The following ZDHHC2 variants were observed in gnomAD, a reference collection of about 807,000 sequenced individuals.
The protein encoded by ZDHHC2 is zDHHC palmitoyltransferase 2, also known as palmitoyltransferase ZDHHC2.
In ZDHHC2, 51 loss-of-function variants were observed where a neutral mutation model predicts 55.6. The observed-to-expected ratio is 0.92, with a 90% CI of 0.73 to 1.16. The LOEUF (loss-of-function observed/expected upper bound fraction) is 1.16. Ranked by LOEUF, ZDHHC2 falls within the 50% of genes most tolerant of loss-of-function variation. The pLI, the probability that ZDHHC2 is intolerant of heterozygous loss-of-function variation, is 0.00. For synonymous variants in ZDHHC2, 199 were observed against 152.9 expected (o/e 1.30, Z -2.22); for missense variants, 491 against 442.4 (o/e 1.11, Z -0.99).
chr8:17,176,631 A>C (rs993247776), intron 1 of ZDHHC2, among the ~76,000 whole-genome samples: 1 of 152,172 alleles, frequency 6.6e-6, no homozygotes, highest in Non-Finnish European at 1.5e-5. Flanking sequence ...CAGGTCTCCT[A>C]CCACCCAGTT....
chr8:17,197,502 T>C, intron 4 of ZDHHC2, 80 bp from the exon 5 acceptor site: 1 of 1,193,510 alleles, frequency 8.4e-7, no homozygotes. Flanking sequence ...AATTTAAATT[T>C]GGAGAGATGA....
intron 1 of ZDHHC2, among the ~76,000 whole-genome samples, chr8:17,183,129 G>A (rs1805521536): frequency 6.6e-6 from 1 of 152,150 alleles, no homozygotes; most frequent in South Asian, 2.1e-4. Context: ...CGAGTCAGTG[G>A]AGTAGCAAAC....
intron 1 of ZDHHC2, among the ~76,000 whole-genome samples, chr8:17,167,881 T>TC (rs75251886): frequency 0.45 from 67,997 of 151,892 alleles, 16,038 homozygotes; most frequent in Admixed American, 0.51. Context: ...CAGGAAACAC[T>TC]CCAACAGCAT....
intron 3 of ZDHHC2, among the ~76,000 whole-genome samples, chr8:17,189,503 G>A (rs954158773): frequency 6.6e-6 from 1 of 152,174 alleles, no homozygotes; most frequent in Non-Finnish European, 1.5e-5. Flanking sequence ...AGGTACTCAA[G>A]AGATACTTTT....
chr8:17,214,791 T>C (rs931581150), intron 10 of ZDHHC2, among the ~76,000 whole-genome samples: 1 of 152,024 alleles, frequency 6.6e-6, no homozygotes, highest in African/African-American at 2.4e-5. Context: ...TGGTCCCAGC[T>C]ACTCGGGAGG....
chr8:17,199,977 G>A (rs556744616), intron 6 of ZDHHC2, among the ~76,000 whole-genome samples: 35 of 151,998 alleles, frequency 2.3e-4, no homozygotes, highest in Admixed American at 1.2e-3. Flanking sequence ...GGCTGGTCTC[G>A]AACTCTTGAC....
At chr8:17,212,453 G>A (rs1807432388) in intron 10 of ZDHHC2, among the ~76,000 whole-genome samples, 1 of 152,064 alleles carries the variant, frequency 6.6e-6, no homozygotes, top group South Asian at 2.1e-4. Context: ...AGAAACTGTG[G>A]GGTCATCCTG....
intron 7 of ZDHHC2, 98 bp from the exon 8 acceptor site, chr8:17,207,862 A>G (rs1563167123): frequency 2.8e-6 from 3 of 1,054,490 alleles, no homozygotes; most frequent in Admixed American, 8.5e-5. Flanking sequence ...TTTAAGAAAA[A>G]TTTTAAGCAA....
At chr8:17,159,290 G>A (rs1010485224) in intron 1 of ZDHHC2, among the ~76,000 whole-genome samples, 1 of 152,282 alleles carries the variant, frequency 6.6e-6, no homozygotes, top group Middle Eastern at 3.4e-3. Flanking sequence ...CCATTTACAA[G>A]CAGATTTTCC....
At chr8:17,186,472 A>G (rs1805717737) in intron 3 of ZDHHC2, 47 bp downstream of exon 3, 4 of 1,129,114 alleles carry the variant, frequency 3.5e-6, no homozygotes, top group Admixed American at 6.7e-5. Context: ...GAAATCAATA[A>G]TACTGATGTA....
intron 3 of ZDHHC2, among the ~76,000 whole-genome samples, chr8:17,189,692 A>G (rs1368650976): frequency 6.6e-6 from 1 of 152,230 alleles, no homozygotes; most frequent in African/African-American, 2.4e-5. Flanking sequence ...GGTTTGAAAT[A>G]GTGGATTGGA....
chr8:17,172,945 T>C (rs544120463), intron 1 of ZDHHC2, among the ~76,000 whole-genome samples: 9 of 152,350 alleles, frequency 5.9e-5, no homozygotes, highest in African/African-American at 1.9e-4. Flanking sequence ...CCCTGAAATA[T>C]GGCCAAATAT....
Position 17,201,481 on chromosome 8 carries a change from C to CTTT in ZDHHC2, c.476+3096_476+3098dup, listed in dbSNP as rs1171396792. On this transcript the variant is annotated intron_variant, in intron 6 of 12. Transcript: ENST00000262096. ...GGGGCAGCCTTTTCTCTCTCTCTCT[C>CTTT]TTTTTTTTTTTTTTTTTTTTTTTTT... Among the ~76,000 whole-genome samples the CTTT allele has an allele frequency of 2.0e-3, 48 of 24,328 alleles. 4 individuals carry two copies. The highest frequency in any genetic ancestry group is 5.4e-3 in the African/African-American group (48 of 8,888). The allele number at this position is 24,328 out of a possible 152,430, so 16.0% of individuals were successfully genotyped here.
At chr8:17,187,538 C>A (rs149258086) in intron 3 of ZDHHC2, among the ~76,000 whole-genome samples, 3 of 152,060 alleles carry the variant, frequency 2.0e-5, no homozygotes, top group Non-Finnish European at 4.4e-5. Flanking sequence ...CAGATGTTTG[C>A]GCAGAATTAA....
chr8:17,157,094 C>G (rs1462413495), intron 1 of ZDHHC2, among the ~76,000 whole-genome samples: 4 of 152,042 alleles, frequency 2.6e-5, no homozygotes, highest in East Asian at 1.9e-4. Flanking sequence ...CACTCGCCGC[C>G]GAGCCTCCCG....
chr8:17,169,992 G>C (rs1017090626), intron 1 of ZDHHC2, among the ~76,000 whole-genome samples: 3 of 152,138 alleles, frequency 2.0e-5, no homozygotes, highest in African/African-American at 7.2e-5. Context: ...ACTGTGGGTG[G>C]CCAGATAATG....
intron 5 of ZDHHC2, among the ~76,000 whole-genome samples, 177 bp from the exon 6 acceptor site, chr8:17,198,204 T>C (rs1203642809): frequency 6.6e-6 from 1 of 152,220 alleles, no homozygotes; most frequent in Non-Finnish European, 1.5e-5. Flanking sequence ...AAGAATTGGC[T>C]ATAGGGTTTA....
chr8:17,172,730 T>C (rs1352785826), intron 1 of ZDHHC2, among the ~76,000 whole-genome samples: 1 of 152,112 alleles, frequency 6.6e-6, no homozygotes, highest in African/African-American at 2.4e-5. Context: ...ATGTGAGAAA[T>C]GTGTTTTAGG....
At chr8:17,189,142 T>C (rs1459442064) in intron 3 of ZDHHC2, among the ~76,000 whole-genome samples, 5 of 150,004 alleles carry the variant, frequency 3.3e-5, no homozygotes, top group African/African-American at 1.2e-4. Flanking sequence ...TTTTTTTTTT[T>C]TTTTGGCCTC....
Sources: allele counts gnomAD v4.1 joint callset (sites outside exome capture counted in the v4.1 genomes callset), GRCh38; gene constraint gnomAD v4.1.1; transcripts MANE v1.5; gene names NCBI Gene and HGNC (gene_info 2026-07-23, HGNC 2026-07-21).